Variants in KATNIP observed in about 807,000 individuals in gnomAD.
KATNIP encodes the protein katanin interacting protein.
KATNIP carries 126 observed loss-of-function variants against 174.0 expected under a neutral mutation model. The ratio of observed to expected loss-of-function variants is 0.72; its 90% confidence interval spans 0.63 to 0.84. The LOEUF is 0.84. KATNIP is among the 40% of genes least tolerant of loss of function. KATNIP has a pLI of 0.00. For missense variants in KATNIP, 1,958 were observed against 2,109.7 expected (o/e 0.93, Z 1.41); for synonymous variants, 810 against 835.7 (o/e 0.97, Z 0.53).
At chr16:27,736,389 A>G (rs2080896713) in intron 14 of KATNIP, among the ~76,000 whole-genome samples, 1 of 152,234 alleles carries the variant, frequency 6.6e-6, no homozygotes, top group African/African-American at 2.4e-5. Context: ...TTGAGTGGGA[A>G]AAACAATAAA....
intron 2 of KATNIP, among the ~76,000 whole-genome samples, chr16:27,613,657 C>A (rs998184606): frequency 6.6e-6 from 1 of 152,186 alleles, no homozygotes; most frequent in Non-Finnish European, 1.5e-5. Context: ...ATCACTACTT[C>A]AAGGGCTTCT....
intron 1 of KATNIP, among the ~76,000 whole-genome samples, chr16:27,565,294 C>T (rs1246829104): frequency 1.3e-5 from 2 of 150,936 alleles, no homozygotes; most frequent in Non-Finnish European, 3.0e-5. Context: ...AGTGAAACCC[C>T]GTCTCTGTTA....
chr16:27,700,672 C>T (rs139456823), intron 10 of KATNIP, among the ~76,000 whole-genome samples: 12 of 152,128 alleles, frequency 7.9e-5, no homozygotes, highest in East Asian at 1.9e-4. Context: ...GTGGAAGGAA[C>T]GGGGAAAAGC....
intron 5 of KATNIP, among the ~76,000 whole-genome samples, chr16:27,636,575 C>G (rs900010802): frequency 3.3e-5 from 5 of 151,894 alleles, no homozygotes; most frequent in African/African-American, 4.8e-5. Flanking sequence ...TGTAACCTCT[C>G]TGAGCTGTGT....
intron 14 of KATNIP, among the ~76,000 whole-genome samples, chr16:27,730,406 T>G (rs952084209): frequency 3.9e-5 from 6 of 152,212 alleles, no homozygotes; most frequent in African/African-American, 1.4e-4. Context: ...ACCATTGTCC[T>G]TTCACTCCAT....
intron 1 of KATNIP, among the ~76,000 whole-genome samples, chr16:27,565,901 A>G (rs976455809): frequency 6.6e-6 from 1 of 152,144 alleles, no homozygotes; most frequent in Non-Finnish European, 1.5e-5. Context: ...TAGCCTGTAC[A>G]GAGCCTTAAA....
chr16:27,722,897 C>T (rs142619089), intron 14 of KATNIP, among the ~76,000 whole-genome samples: 1 of 152,280 alleles, frequency 6.6e-6, no homozygotes, highest in East Asian at 1.9e-4. Context: ...CTTTTTAAAC[C>T]ACCATACAAT....
intron 20 of KATNIP, among the ~76,000 whole-genome samples, chr16:27,766,694 C>T (rs932934609): frequency 2.6e-5 from 4 of 152,194 alleles, no homozygotes; most frequent in Non-Finnish European, 5.9e-5. Flanking sequence ...TGCACAGCAC[C>T]GTTTCTCCTG....
chr16:27,572,125 C>T (rs1451077578), intron 1 of KATNIP, among the ~76,000 whole-genome samples: 1 of 151,898 alleles, frequency 6.6e-6, no homozygotes, highest in Non-Finnish European at 1.5e-5. Context: ...CTATCAACAC[C>T]CCACACTGGG....
chr16:27,777,029 C>T lies in KATNIP; in HGVS notation c.4551C>T (p.Gly1517=), dbSNP rs1017463866. Residue 1517 remains glycine (G), a splice_region_variant and synonymous_variant, in exon 25 of 28, where the codon GGC becomes GGT. Coordinates refer to ENST00000261588, the MANE Select transcript of KATNIP (RefSeq NM_015202.5). This position sits in a 1 kb window ranked among gnomAD's most constrained non-coding sequence, Gnocchi z 4.4. ...CCCATCGAGGGGTGAAGGAGTTTGGCGTAAGTACTTATTAGCTGAGTTTTT... is the reference window on the plus strand; with the variant it reads ...CCCATCGAGGGGTGAAGGAGTTTGGTGTAAGTACTTATTAGCTGAGTTTTT... ...KTPHRGVKEF[G]LLVDDLLVYN... The T allele has an allele frequency of 2.5e-6, 4 of 1,594,136 alleles. No homozygotes were observed. Among genetic ancestry groups the T allele is most frequent in the Non-Finnish European group, 2.6e-6 (3 of 1,162,600 alleles).
intron 6 of KATNIP, among the ~76,000 whole-genome samples, chr16:27,662,927 CA>C (rs1177041469): frequency 2.0e-5 from 3 of 152,054 alleles, no homozygotes; most frequent in Non-Finnish European, 4.4e-5. Context: ...TCTACCCAGC[CA>C]AACCATCTCC....
chr16:27,766,260 C>T (rs370748442), intron 19 of KATNIP, 49 bp from the exon 20 acceptor site: 15 of 1,601,208 alleles, frequency 9.4e-6, no homozygotes, highest in Non-Finnish European at 1.2e-5. Context: ...TGTGATGCCT[C>T]CTGTGCCCAC....
chr16:27,721,897 A>G (rs1355860380), intron 14 of KATNIP, among the ~76,000 whole-genome samples: 2 of 152,140 alleles, frequency 1.3e-5, no homozygotes, highest in African/African-American at 4.8e-5. Context: ...TGGTGTTGGG[A>G]GGTGGTATCA....
chr16:27,715,552 G>T (rs568958695), intron 13 of KATNIP, among the ~76,000 whole-genome samples: 6 of 152,114 alleles, frequency 3.9e-5, no homozygotes, highest in South Asian at 2.1e-4. Flanking sequence ...TCTGATAAGG[G>T]TCTAATATTC....
intron 2 of KATNIP, among the ~76,000 whole-genome samples, chr16:27,589,747 C>T (rs1211541138): frequency 6.6e-6 from 1 of 151,874 alleles, no homozygotes; most frequent in Admixed American, 6.6e-5. Flanking sequence ...CTATTCTGCC[C>T]TTCAGCATGT....
At position 27,751,873 on chromosome 16, in the gene KATNIP, C is replaced by A. The variant is rs769197995; in HGVS notation, c.3501C>A (p.Gly1167=). Residue 1167 remains glycine (G), a synonymous_variant, in exon 17 of 28, where the codon GGC becomes GGA. Coordinates refer to ENST00000261588, the MANE Select transcript of KATNIP (RefSeq NM_015202.5). The stretch of plus-strand genomic sequence containing the variant: ...TGAGGAGGCCCAGCACGGCCGACGG[C>A]GAGGGGGATGAGCGGCCCTTCACCC... ...EAMRRPSTAD[G]EGDERPFTQA... is the part of the protein sequence containing the mutation. 6.2e-7 allele frequency: 1 copy of A among 1,613,336 alleles called. No homozygotes were observed. The highest frequency in any genetic ancestry group is 8.5e-7 in the Non-Finnish European group (1 of 1,179,962).
intron 3 of KATNIP, among the ~76,000 whole-genome samples, chr16:27,620,366 C>T (rs560309238): frequency 1.6e-4 from 24 of 152,304 alleles, no homozygotes; most frequent in South Asian, 6.2e-4. Context: ...TGCCCGGCAC[C>T]TCAACCCATC....
chr16:27,648,318 G>T (rs987104374), intron 5 of KATNIP, among the ~76,000 whole-genome samples: 1 of 151,344 alleles, frequency 6.6e-6, no homozygotes, highest in Admixed American at 6.6e-5. Flanking sequence ...GAACAGAATT[G>T]CCAACCAAAA....
At chr16:27,650,224 A>G (rs554301617) in intron 6 of KATNIP, among the ~76,000 whole-genome samples, 2 of 151,662 alleles carry the variant, frequency 1.3e-5, no homozygotes, top group African/African-American at 4.8e-5. Context: ...CATTCCAGAT[A>G]GAGGAAGCAG....
Sources: gnomAD v4.1 joint callset for allele counts (sites outside exome capture counted in the v4.1 genomes callset) on GRCh38, gnomAD v4.1.1 for gene constraint, Gnocchi (gnomAD v3.1) non-coding constraint, MANE v1.5 for transcripts, NCBI Gene and HGNC (gene_info 2026-07-23, HGNC 2026-07-21) for gene names.